Variants in CLCN1 observed in about 807,000 individuals in gnomAD.
CLCN1 encodes chloride voltage-gated channel 1, also known as chloride channel protein 1.
In CLCN1, 100 loss-of-function variants were observed where a neutral mutation model predicts 114.5. The ratio of observed to expected loss-of-function variants is 0.87; its 90% confidence interval spans 0.74 to 1.03. CLCN1 has a LOEUF of 1.03. CLCN1 is among the 50% of genes least tolerant of loss of function. The pLI is 0.00. For missense variants in CLCN1, 1,188 were observed against 1,250.0 expected, an observed-to-expected ratio of 0.95 and a Z score of 0.75; for synonymous variants, 485 against 487.1, an observed-to-expected ratio of 1.00 and a Z score of 0.06.
At position 143,316,238 on chromosome 7, in the gene CLCN1, G is replaced by T; in HGVS notation, c.26G>T (p.Arg9Leu). Reference sequence around the variant, plus strand: ...ATGGAGCAATCCCGGTCACAGCAGCGTGGGGGTGAACAAAGCTGGTGGGGT... The same window carrying T: ...ATGGAGCAATCCCGGTCACAGCAGCTTGGGGGTGAACAAAGCTGGTGGGGT... Reference protein sequence around the residue: MEQSRSQQRGGEQSWWGSD... With the variant: MEQSRSQQLGGEQSWWGSD... Residue 9 changes from arginine (R) to leucine (L), a missense_variant, in exon 1 of 23, where the codon CGT (arginine) becomes CTT (leucine). By Grantham distance (102) the Arg-to-Leu change is moderately radical. Coordinates refer to ENST00000343257, the MANE Select transcript of CLCN1 (RefSeq NM_000083.3). 6.2e-7 allele frequency: 1 copy of T among 1,613,656 alleles called. No homozygotes were observed. The highest frequency in any genetic ancestry group is 8.5e-7 in the Non-Finnish European group (1 of 1,179,766).
chr7:143,329,153 A>C (rs1390767356), intron 7 of CLCN1, among the ~76,000 whole-genome samples: 1 of 151,868 alleles, frequency 6.6e-6, no homozygotes, highest in Non-Finnish European at 1.5e-5. Flanking sequence ...TTTTTAGTAG[A>C]GTTAGGGTTT....
At chr7:143,326,503 C>CCTATTGTCCAG (rs959062245) in intron 7 of CLCN1, among the ~76,000 whole-genome samples, 1 of 152,088 alleles carries the variant, frequency 6.6e-6, no homozygotes, top group African/African-American at 2.4e-5. Context: ...GGCAGGCAAA[C>CCTATTGTCCAG]CTATTGTCAT....
In CLCN1 at chr7:143,342,122, C is replaced by G. The variant is rs148132102; in HGVS notation, c.1776C>G (p.Asp592Glu). Residue 592 changes from aspartate (D) to glutamate (E), a missense_variant, in exon 15 of 23, where the codon GAC becomes GAG. Transcript: ENST00000343257. The part of the protein sequence containing the change: ...IQVKKLPYLP[D>E]LGWNQLSKYT... The stretch of plus-strand genomic sequence containing the variant: ...TCAAGAAGCTACCCTACTTGCCTGA[C>G]CTTGGCTGGAACCAGCTCAGGTCAG... 10 of 1,614,010 alleles carry G rather than the reference C, an allele frequency of 6.2e-6. No homozygotes were observed. Among genetic ancestry groups the G allele is most frequent in the South Asian group, 2.2e-5 (2 of 91,082 alleles).
At position 143,331,638 on chromosome 7, in the gene CLCN1, G is replaced by C; in HGVS notation, c.1152G>C (p.Gln384His). 1 of 1,613,512 alleles carries C rather than the reference G, an allele frequency of 6.2e-7. No individual in the cohort carries two copies. ...TCCGAAAGCACAAGGCCCTCAGCCA[G>C]TTTCTTGCTAAGCAGTGAGTCACTG... ...LGVRKHKALS[Q>H]FLAKHRLLYP... Residue 384 changes from glutamine (Q) to histidine (H), a missense_variant, in exon 10 of 23, where the codon CAG (glutamine) becomes CAC (histidine). Physicochemically the swap from Gln to His is conservative, Grantham distance 24. Coordinates refer to ENST00000343257, the MANE Select transcript of CLCN1 (RefSeq NM_000083.3).
intron 20 of CLCN1, among the ~76,000 whole-genome samples, chr7:143,349,056 G>A (rs1369551755): frequency 1.2e-4 from 19 of 152,202 alleles, no homozygotes. Flanking sequence ...CAAAGAGGAT[G>A]TACTTGATAA....
At position 143,318,735 on chromosome 7, in the gene CLCN1, G is replaced by A. The variant is rs530278339; in HGVS notation, c.181-1020G>A. On this transcript the variant is annotated intron_variant, in intron 1 of 22. Transcript: ENST00000343257. ...CCTGGGGCCTTGAGGAGCTGAGACAGCCTCAGCTGTCTGACTTCCACTGGG... is the reference window on the plus strand; with the variant it reads ...CCTGGGGCCTTGAGGAGCTGAGACAACCTCAGCTGTCTGACTTCCACTGGG... Among the ~76,000 whole-genome samples, 4 of 152,240 alleles carry A rather than the reference G, an allele frequency of 2.6e-5. No individual in the cohort carries two copies. In the South Asian group the frequency reaches 8.3e-4, roughly 32 times the overall value.
Position 143,339,766 on chromosome 7 carries a change from T to G in CLCN1, c.1582+145T>G. On this transcript the variant is annotated intron_variant, in intron 14 of 22. Coordinates refer to ENST00000343257, the MANE Select transcript of CLCN1 (RefSeq NM_000083.3). This position sits in a 1 kb window ranked among gnomAD's most constrained non-coding sequence, Gnocchi z 4.1. Reference sequence around the variant, plus strand: ...TAACTCAACTTTTACTCAGATAACATACCCATGGCTCTGACTCTCATTATT... The same window carrying G: ...TAACTCAACTTTTACTCAGATAACAGACCCATGGCTCTGACTCTCATTATT... 1 of 680,390 alleles carries G rather than the reference T, an allele frequency of 1.5e-6. No individual in the cohort carries two copies. The highest frequency in any genetic ancestry group is 2.7e-6 in the Non-Finnish European group (1 of 372,926). The allele number at this position is 680,390 out of a possible 1,614,324, so 42.1% of individuals were successfully genotyped here.
chr7:143,334,020 C>A (rs1802802370), intron 12 of CLCN1, among the ~76,000 whole-genome samples: 1 of 152,130 alleles, frequency 6.6e-6, no homozygotes, highest in Non-Finnish European at 1.5e-5. Flanking sequence ...TGGAGACTAG[C>A]CTGACCAACA....
At chr7:143,323,646 T>C in intron 6 of CLCN1, 1 of 631,712 alleles carries the variant, frequency 1.6e-6, no homozygotes, top group Non-Finnish European at 3.0e-6. Flanking sequence ...TGTCGTCTGC[T>C]CCCATGCTCT....
chr7:143,350,778 TTC>T lies in CLCN1; in HGVS notation c.2595+126_2595+127del, dbSNP rs1803374058. ...CCCTCAGATTCCCTTCTCTATTTCT[TTC>T]TTTTTTTTTTTTTTGAGACAGAGTT... is the stretch of plus-strand genomic sequence containing the variant. On this transcript the variant is annotated intron_variant, in intron 22 of 22. Coordinates refer to ENST00000343257, the MANE Select transcript of CLCN1 (RefSeq NM_000083.3). This position sits in a 1 kb window ranked among gnomAD's most constrained non-coding sequence, Gnocchi z 5.1. 1 of 710,210 alleles carries T rather than the reference TTC, an allele frequency of 1.4e-6. No homozygotes were observed. Among genetic ancestry groups the T allele is most frequent in the African/African-American group, 2.0e-5 (1 of 49,590 alleles). 44.0% of individuals were successfully genotyped at this position (710,210 alleles called of 1,614,324 possible). A position where few individuals can be genotyped will look rare whatever the true frequency, so the allele number is the denominator to read the frequency against.
chr7:143,328,962 CT>C (rs1304986803), intron 7 of CLCN1, among the ~76,000 whole-genome samples: 1 of 97,056 alleles, frequency 1.0e-5, no homozygotes, highest in Non-Finnish European at 2.0e-5. Flanking sequence ...AAGGAATTTT[CT>C]TTCTTTCTTT....
chr7:143,346,678 G>T lies in CLCN1; in HGVS notation c.2364+20G>T. On this transcript the variant is annotated intron_variant, in intron 19 of 22. Transcript: ENST00000343257. ...ACCCAGGTGAGAGGAGATGTGTTTG[G>T]GGATACAGGGGAAAGGGAGCCTGCC... 1 of 1,592,696 alleles carries T rather than the reference G, an allele frequency of 6.3e-7. No homozygotes were observed. Among genetic ancestry groups the T allele is most frequent in the African/African-American group, 1.3e-5 (1 of 74,582 alleles).
At chr7:143,338,385 T>A (rs1802971790) in intron 12 of CLCN1, among the ~76,000 whole-genome samples, 1 of 152,106 alleles carries the variant, frequency 6.6e-6, no homozygotes, top group South Asian at 2.1e-4. Context: ...AAGTCTTCTC[T>A]CCAGGTTCTA....
At chr7:143,335,143 A>G (rs959297961) in intron 12 of CLCN1, among the ~76,000 whole-genome samples, 3 of 152,178 alleles carry the variant, frequency 2.0e-5, no homozygotes, top group Non-Finnish European at 4.4e-5. Context: ...AATACTGTAT[A>G]TTTTTCAACA....
intron 5 of CLCN1, among the ~76,000 whole-genome samples, chr7:143,323,053 G>A (rs1802483127): frequency 6.6e-6 from 1 of 152,162 alleles, no homozygotes; most frequent in Admixed American, 6.5e-5. Flanking sequence ...ACTTTAGGCA[G>A]GCTCCTCAGG....
In CLCN1 at chr7:143,339,191, T is replaced by A; in HGVS notation, c.1402-62T>A. On this transcript the variant is annotated intron_variant, in intron 12 of 22. Coordinates refer to ENST00000343257, the MANE Select transcript of CLCN1 (RefSeq NM_000083.3). The surrounding 1 kb of genome is among the most constrained non-coding windows in gnomAD (Gnocchi z 4.1). ...AGAAAGGAGGATAGTGGGAAGGGAA[T>A]TGTGTGTGCATGTCTATTGGGCAGA... The A allele has an allele frequency of 9.6e-7, 1 of 1,036,974 alleles. No individual in the cohort carries two copies. The highest frequency in any genetic ancestry group is 1.5e-6 in the Non-Finnish European group (1 of 653,356). 64.2% of individuals were successfully genotyped at this position (1,036,974 alleles called of 1,614,324 possible).
intron 20 of CLCN1, among the ~76,000 whole-genome samples, chr7:143,348,783 C>T (rs540356912): frequency 1.3e-5 from 2 of 152,240 alleles, no homozygotes; most frequent in Middle Eastern, 3.4e-3. Flanking sequence ...TAACCGGTAC[C>T]GAGCTTATTC....
At chr7:143,329,033 T>C (rs1258279854) in intron 7 of CLCN1, among the ~76,000 whole-genome samples, 1 of 150,928 alleles carries the variant, frequency 6.6e-6, no homozygotes, top group African/African-American at 2.4e-5. Context: ...AGAGGTGCGA[T>C]CTCGGCTCAC....
intron 15 of CLCN1, 48 bp from the exon 16 acceptor site, chr7:143,342,324 G>C: frequency 6.2e-7 from 1 of 1,610,144 alleles, no homozygotes; most frequent in South Asian, 1.1e-5. Context: ...GGAATGGAAG[G>C]GATAGGTATA....
Sources: gnomAD v4.1 joint callset for allele counts (sites outside exome capture counted in the v4.1 genomes callset) on GRCh38, gnomAD v4.1.1 for gene constraint, Gnocchi (gnomAD v3.1) non-coding constraint, MANE v1.5 for transcripts, NCBI Gene and HGNC (gene_info 2026-07-23, HGNC 2026-07-21) for gene names.